Variants in RTN4IP1 observed in about 807,000 individuals in gnomAD.
RTN4IP1 encodes the protein NAD(P)H oxidoreductase RTN4IP1, mitochondrial.
A neutral mutation model predicts 46.6 loss-of-function variants in RTN4IP1; 32 were observed. The observed-to-expected ratio is 0.69, with a 90% CI of 0.52 to 0.92. RTN4IP1 has a LOEUF of 0.92. Among genes scored for constraint, RTN4IP1 ranks in the 40% least tolerant of loss-of-function variants. The pLI is 0.00. For synonymous variants in RTN4IP1, 167 were observed against 161.8 expected (o/e 1.03, Z -0.24); for missense variants, 424 against 485.8 (o/e 0.87, Z 1.20).
At chr6:106,595,872 A>C (rs72945018) in intron 5 of RTN4IP1, among the ~76,000 whole-genome samples, 6,020 of 152,236 alleles carry the variant, frequency 0.04, 170 homozygotes, top group Non-Finnish European at 0.06. Context: ...TCAATTATAC[A>C]GTTAATGTAG....
chr6:106,612,921 G>A (rs1194863834), intron 4 of RTN4IP1, among the ~76,000 whole-genome samples: 4 of 152,238 alleles, frequency 2.6e-5, no homozygotes, highest in African/African-American at 7.2e-5. Flanking sequence ...CCAAACATGC[G>A]CTCGCCATTG....
At position 106,622,869 on chromosome 6, in the gene RTN4IP1, G is replaced by A. The variant is rs749275417; in HGVS notation, c.375C>T (p.Gly125=). 1.0e-4 allele frequency: 162 copies of A among 1,614,012 alleles called. No homozygotes were observed. The highest frequency in any genetic ancestry group is 6.7e-4 in the East Asian group (30 of 44,880). The change falls in exon 2 of 9, where the codon GGC becomes GGT. Residue 125 remains glycine (G), a synonymous_variant. Coordinates refer to ENST00000369063, the MANE Select transcript of RTN4IP1 (RefSeq NM_032730.5). ...FPLTLGRDVS[G]VVMECGLDVK... ...CATCAAGCCCACATTCCATCACCAC[G>A]CCAGAGACATCCCGACCCAGAGTCA... is the stretch of plus-strand genomic sequence containing the variant.
chr6:106,591,139 C>T (rs1379595982), intron 6 of RTN4IP1, among the ~76,000 whole-genome samples: 1 of 152,218 alleles, frequency 6.6e-6, no homozygotes, highest in Non-Finnish European at 1.5e-5. Context: ...TTTAACCTTG[C>T]TATTTATAAC....
At chr6:106,621,651 T>C (rs1281984028) in intron 2 of RTN4IP1, among the ~76,000 whole-genome samples, 158 bp from the exon 3 acceptor site, 1 of 152,198 alleles carries the variant, frequency 6.6e-6, no homozygotes, top group Non-Finnish European at 1.5e-5. Flanking sequence ...TATAAATTTA[T>C]TACTTAGTAT....
rs756174848 is a variant in RTN4IP1 at position 106,628,741 on chromosome 6, AACTT to A, written c.274+3_274+6del. 8 of 1,592,696 alleles carry A rather than the reference AACTT, an allele frequency of 5.0e-6. No individual in the cohort carries two copies. Among genetic ancestry groups the A allele is most frequent in the African/African-American group, 4.0e-5 (3 of 74,232 alleles). On this transcript the variant is annotated splice_donor_5th_base_variant and intron_variant, in intron 1 of 8. Coordinates refer to ENST00000369063, the MANE Select transcript of RTN4IP1 (RefSeq NM_032730.5). ...AAAAAAGGTAACAATGTCTTTTGAA[AACTT>A]ACTTCTCATATTAACGTCTATAGGA...
chr6:106,591,192 C>T lies in RTN4IP1; in HGVS notation c.806+972G>A, dbSNP rs376601453. Among the ~76,000 whole-genome samples the T allele has an allele frequency of 2.0e-4, 30 of 152,190 alleles. No individual in the cohort carries two copies. In the East Asian group the frequency reaches 4.8e-3, roughly 24 times the overall value. On this transcript the variant is annotated intron_variant, in intron 6 of 8. Coordinates refer to ENST00000369063, the MANE Select transcript of RTN4IP1 (RefSeq NM_032730.5). The stretch of plus-strand genomic sequence containing the variant: ...TTCCCTTTCATTTTTTTTCAGAGCA[C>T]CTACCACTAAAACCGCCCAAACAAG...
intron 8 of RTN4IP1, chr6:106,572,467 T>C (rs2114613331): frequency 5.2e-6 from 1 of 192,506 alleles, no homozygotes; most frequent in East Asian, 1.3e-4. Flanking sequence ...CTACCTGCCA[T>C]TTTCTCCACG....
rs926190328 is a variant in RTN4IP1 at position 106,619,212 on chromosome 6, T to G, written c.610A>C (p.Thr204Pro). Residue 204 changes from threonine to proline, a missense_variant, in exon 4 of 9, where the codon ACA becomes CCA. By Grantham distance (38) the Thr-to-Pro change is conservative. Transcript: ENST00000369063. ...GACTGATACACTTACCGTTTTCCTGTGCAATTCTTGTCATTCAGGCCACCA... is the reference window on the plus strand; with the variant it reads ...GACTGATACACTTACCGTTTTCCTGGGCAATTCTTGTCATTCAGGCCACCA... ...KVGGLNDKNC[T>P]GKRVLILGAS... is the part of the protein sequence containing the mutation. 6.2e-7 allele frequency: 1 copy of G among 1,614,034 alleles called. No individual in the cohort carries two copies. The highest frequency in any genetic ancestry group is 8.5e-7 in the Non-Finnish European group (1 of 1,180,016).
chr6:106,589,389 G>A (rs1410091030), intron 6 of RTN4IP1, among the ~76,000 whole-genome samples: 1 of 151,400 alleles, frequency 6.6e-6, no homozygotes, highest in Admixed American at 6.6e-5. Context: ...AAATGCAGGA[G>A]CATGATGACC....
rs984430776 is a variant in RTN4IP1, at chr6:106,623,047, G to A, written c.275-78C>T. 66 of 1,416,966 alleles carry A rather than the reference G, an allele frequency of 4.7e-5. No individual in the cohort carries two copies. In the Middle Eastern group the frequency reaches 8.3e-4, roughly 18 times the overall value. The allele number at this position is 1,416,966 out of a possible 1,614,324, so 87.8% of individuals were successfully genotyped here. ...AAAACTACTACAGGGTTATAGTCCAGTACAATTTTAGGTCTTCAAGATGTA... is the reference window on the plus strand; with the variant it reads ...AAAACTACTACAGGGTTATAGTCCAATACAATTTTAGGTCTTCAAGATGTA... On this transcript the variant is annotated intron_variant, in intron 1 of 8. Transcript: ENST00000369063.
At chr6:106,604,705 C>A (rs538158347) in intron 4 of RTN4IP1, among the ~76,000 whole-genome samples, 1 of 152,260 alleles carries the variant, frequency 6.6e-6, no homozygotes, top group Admixed American at 6.5e-5. Flanking sequence ...ACTGTCTGTT[C>A]TTTGGGCCCA....
At chr6:106,577,412 C>T (rs113419063) in intron 8 of RTN4IP1, among the ~76,000 whole-genome samples, 19,186 of 139,516 alleles carry the variant, frequency 0.14, 1,528 homozygotes, top group African/African-American at 0.2. Context: ...CACACCACTA[C>T]ACTCCAGCCT....
At chr6:106,576,922 G>C (rs905680819) in intron 8 of RTN4IP1, among the ~76,000 whole-genome samples, 4 of 152,310 alleles carry the variant, frequency 2.6e-5, no homozygotes, top group African/African-American at 9.6e-5. Context: ...GTAAGTGATA[G>C]TGGGCCTTCA....
intron 4 of RTN4IP1, among the ~76,000 whole-genome samples, chr6:106,606,552 G>A (rs1318199055): frequency 1.3e-5 from 2 of 152,028 alleles, no homozygotes; most frequent in Middle Eastern, 3.4e-3. Flanking sequence ...AACCACTTAG[G>A]AATAAATTTA....
chr6:106,596,476 C>G (rs1197755777), intron 5 of RTN4IP1, among the ~76,000 whole-genome samples: 2 of 152,094 alleles, frequency 1.3e-5, no homozygotes, highest in African/African-American at 2.4e-5. Flanking sequence ...TCTACCTACT[C>G]AGGAGTTTGG....
At chr6:106,614,444 G>C (rs1776300135) in intron 4 of RTN4IP1, among the ~76,000 whole-genome samples, 2 of 152,134 alleles carry the variant, frequency 1.3e-5, no homozygotes, top group South Asian at 2.1e-4. Flanking sequence ...TAAGAGGACA[G>C]AGTTAGAAAT....
At chr6:106,588,874 G>GATCA (rs1775550266) in intron 6 of RTN4IP1, among the ~76,000 whole-genome samples, 1 of 151,944 alleles carries the variant, frequency 6.6e-6, no homozygotes, top group Non-Finnish European at 1.5e-5. Context: ...ACTTTGGGAG[G>GATCA]CCGAGTCGGG....
At chr6:106,588,922 C>A (rs571920485) in intron 6 of RTN4IP1, among the ~76,000 whole-genome samples, 78 of 151,578 alleles carry the variant, frequency 5.1e-4, no homozygotes, top group Middle Eastern at 3.4e-3. Flanking sequence ...ACCAGCCTGA[C>A]CAACATGGAG....
chr6:106,574,809 A>G (rs968413607), intron 8 of RTN4IP1, among the ~76,000 whole-genome samples: 21 of 152,200 alleles, frequency 1.4e-4, no homozygotes, highest in Admixed American at 1.3e-4. Context: ...TGAATGTTCA[A>G]TTTAGAGCTC....
Sources: allele counts gnomAD v4.1 joint callset (sites outside exome capture counted in the v4.1 genomes callset), GRCh38; gene constraint gnomAD v4.1.1; transcripts MANE v1.5; gene names NCBI Gene and HGNC (gene_info 2026-07-23, HGNC 2026-07-21).